Variants in LYST observed in about 807,000 individuals in gnomAD.
LYST encodes lysosomal trafficking regulator.
Under a neutral mutation model 413.6 loss-of-function variants are expected in LYST, and 192 were observed. That is an observed-to-expected ratio of 0.46 (90% CI 0.41 to 0.52). LYST has a LOEUF of 0.52. LYST is among the 20% of genes least tolerant of loss of function. LYST has a pLI of 0.00. For synonymous variants in LYST, 1,525 were observed against 1,567.3 expected, an observed-to-expected ratio of 0.97 and a Z score of 0.64; for missense variants, 3,815 against 4,499.9, an observed-to-expected ratio of 0.85 and a Z score of 4.35.
intron 29 of LYST, among the ~76,000 whole-genome samples, chr1:235,744,358 G>A (rs990108845): frequency 3.9e-5 from 6 of 152,236 alleles, no homozygotes; most frequent in Non-Finnish European, 7.4e-5. Context: ...ATTTGAAAAT[G>A]CATGTCATAC....
At chr1:235,837,200 G>A (rs990489177) in intron 1 of LYST, among the ~76,000 whole-genome samples, 2 of 152,194 alleles carry the variant, frequency 1.3e-5, no homozygotes, top group Non-Finnish European at 2.9e-5. Context: ...TCAATGGAGA[G>A]GGTAAGTATC....
At chr1:235,844,443 A>G (rs1226810873) in intron 1 of LYST, among the ~76,000 whole-genome samples, 2 of 152,218 alleles carry the variant, frequency 1.3e-5, no homozygotes, top group Non-Finnish European at 2.9e-5. Context: ...CACAGAAATG[A>G]TTAGTCACTG....
rs1673128535 is a variant in LYST, at chr1:235,808,653, C to A, written c.2165G>T (p.Gly722Val). ...TAATTTCCACTGAACAACTATATTGCCTTTCTGGATTAAATTGCAAATGTG... is the reference window on the plus strand; with the variant it reads ...TAATTTCCACTGAACAACTATATTGACTTTCTGGATTAAATTGCAAATGTG... ...ANHICNLIQK[G>V]NIVVQWKLYN... is the part of the protein sequence containing the mutation. Residue 722 changes from glycine (G) to valine (V), a missense_variant, in exon 5 of 53, where the codon GGC becomes GTC. Physicochemically the swap from Gly to Val is moderately radical, Grantham distance 109. This residue lies in a region of LYST where 1,648 missense variants were observed against 1,810.3 expected (regional missense o/e 0.91). Transcript: ENST00000389793. 2 of 1,613,046 alleles carry A rather than the reference C, an allele frequency of 1.2e-6. No homozygotes were observed. Among genetic ancestry groups the A allele is most frequent in the Non-Finnish European group, 1.7e-6 (2 of 1,179,140 alleles).
chr1:235,841,704 G>C (rs958474961), intron 1 of LYST, among the ~76,000 whole-genome samples: 1 of 152,154 alleles, frequency 6.6e-6, no homozygotes, highest in Non-Finnish European at 1.5e-5. Flanking sequence ...GGCTGGGGCG[G>C]GGAAGCAGGA....
intron 1 of LYST, among the ~76,000 whole-genome samples, chr1:235,835,952 TATA>T (rs927248863): frequency 2.6e-5 from 4 of 152,200 alleles, no homozygotes; most frequent in Admixed American, 2.6e-4. Context: ...CAACAATTGT[TATA>T]ATGTCATAAC....
chr1:235,690,628 G>GGATA (rs1406447476), intron 47 of LYST, among the ~76,000 whole-genome samples: 1 of 152,124 alleles, frequency 6.6e-6, no homozygotes, highest in African/African-American at 2.4e-5. Context: ...TTTTGGTCAG[G>GGATA]GATATTGAGG....
chr1:235,782,684 C>T (rs1669997514), intron 14 of LYST, among the ~76,000 whole-genome samples: 1 of 152,138 alleles, frequency 6.6e-6, no homozygotes, highest in South Asian at 2.1e-4. Context: ...GTATATGCAC[C>T]TTCCTGGTTT....
intron 23 of LYST, among the ~76,000 whole-genome samples, chr1:235,758,217 G>C (rs35174203): frequency 2.5e-3 from 378 of 152,252 alleles, no homozygotes; most frequent in Non-Finnish European, 3.4e-3. Context: ...AAATATAAGG[G>C]GGATATCTCA....
rs1660266102 is a variant in LYST, at chr1:235,686,937, C to T, written c.10800+12G>A. On this transcript the variant is annotated intron_variant, in intron 48 of 52. Coordinates refer to ENST00000389793, the MANE Select transcript of LYST (RefSeq NM_000081.4). The surrounding 1 kb of genome is among the most constrained non-coding windows in gnomAD (Gnocchi z 4.0). Reference sequence around the variant, plus strand: ...AAGTCCCATACTACCCACACAGAAGCCCAGAACCTACCGTGCTGCTTGTAA... The same window carrying T: ...AAGTCCCATACTACCCACACAGAAGTCCAGAACCTACCGTGCTGCTTGTAA... 1 of 1,608,534 alleles carries T rather than the reference C, an allele frequency of 6.2e-7. No homozygotes were observed. The highest frequency in any genetic ancestry group is 1.7e-4 in the Middle Eastern group (1 of 6,044).
Position 235,806,800 on chromosome 1 carries a change from G to A in LYST, c.2364-28C>T, listed in dbSNP as rs909579337. On this transcript the variant is annotated intron_variant, in intron 5 of 52. Coordinates refer to ENST00000389793, the MANE Select transcript of LYST (RefSeq NM_000081.4). ...GTGAAAGAAAAAAAGCATGTAAAAA[G>A]GTTTAAATAAAGAAACATCATTTAT... The A allele has an allele frequency of 3.4e-5, 50 of 1,482,494 alleles. No homozygotes were observed. The Admixed American group carries it at 6.6e-4, about 20-fold the overall frequency. The allele number at this position is 1,482,494 out of a possible 1,614,324, so 91.8% of individuals were successfully genotyped here.
intron 1 of LYST, among the ~76,000 whole-genome samples, chr1:235,843,917 C>G (rs953637396): frequency 6.6e-6 from 1 of 152,174 alleles, no homozygotes; most frequent in Non-Finnish European, 1.5e-5. Context: ...AGTAACACTA[C>G]GTGCTTGCCT....
intron 1 of LYST, among the ~76,000 whole-genome samples, chr1:235,839,194 C>G (rs1475741773): frequency 6.6e-6 from 1 of 151,868 alleles, no homozygotes; most frequent in African/African-American, 2.4e-5. Flanking sequence ...GCTCATTATT[C>G]TACCAGGACT....
rs1404450694 is a variant in LYST at position 235,766,198 on chromosome 1, C to G, written c.6002G>C (p.Gly2001Ala). The G allele has an allele frequency of 6.2e-7, 1 of 1,613,272 alleles. No homozygotes were observed. Among genetic ancestry groups the G allele is most frequent in the Non-Finnish European group, 8.5e-7 (1 of 1,179,572 alleles). ...SFVKIIAEVL[G>A]SPPDLELLTI... ...CAATAATTCCAAATCTGGAGGAGAT[C>G]CAAGGACTTCTGCTATAATTTTCAC... The change falls in exon 21 of 53, where the codon GGA becomes GCA. Residue 2001 changes from glycine (G) to alanine (A), a missense_variant. Physicochemically the swap from Gly to Ala is moderately conservative, Grantham distance 60 (BLOSUM62 0). Transcript: ENST00000389793.
At chr1:235,695,845 C>A (rs190934617) in intron 46 of LYST, among the ~76,000 whole-genome samples, 4 of 152,094 alleles carry the variant, frequency 2.6e-5, no homozygotes, top group African/African-American at 9.6e-5. Flanking sequence ...CCGTGTTAAC[C>A]AGGATGGTCT....
At chr1:235,816,441 A>AAAAT (rs1674096328) in intron 3 of LYST, among the ~76,000 whole-genome samples, 4 of 141,450 alleles carry the variant, frequency 2.8e-5, no homozygotes, top group African/African-American at 1.1e-4. Flanking sequence ...CTCCGTCAAA[A>AAAAT]AAAAAAATAA....
intron 11 of LYST, 80 bp downstream of exon 11, chr1:235,793,423 A>G: frequency 1.4e-6 from 1 of 715,016 alleles, no homozygotes; most frequent in African/African-American, 1.8e-5. Flanking sequence ...ACATTTCTAA[A>G]TAATTAAAAA....
chr1:235,701,624 CTCAATCAATCAA>C (rs368465866), intron 45 of LYST, among the ~76,000 whole-genome samples: 8 of 152,010 alleles, frequency 5.3e-5, no homozygotes, highest in African/African-American at 1.7e-4. Context: ...CGAGACTCAT[CTCAATCAATCAA>C]TCAATCAATC....
chr1:235,833,252 C>T (rs973066249), intron 2 of LYST, among the ~76,000 whole-genome samples: 5 of 151,558 alleles, frequency 3.3e-5, no homozygotes, highest in Non-Finnish European at 5.9e-5. Context: ...GATGATTGCA[C>T]GGTATTTTCT....
intron 47 of LYST, among the ~76,000 whole-genome samples, chr1:235,691,216 C>T (rs1457482204): frequency 6.6e-6 from 1 of 152,168 alleles, no homozygotes; most frequent in Admixed American, 6.5e-5. Context: ...CCGCGCCTGG[C>T]TACAGTTTAC....
Sources: allele counts gnomAD v4.1 joint callset (sites outside exome capture counted in the v4.1 genomes callset), GRCh38; gene constraint gnomAD v4.1.1; regional missense constraint gnomAD v4.1.1; non-coding constraint Gnocchi (gnomAD v3.1); transcripts MANE v1.5; gene names NCBI Gene and HGNC (gene_info 2026-07-23, HGNC 2026-07-21).